Variants in DLGAP4 observed in about 807,000 individuals in gnomAD.
The protein encoded by DLGAP4 is disks large-associated protein 4.
Under a neutral mutation model 86.9 loss-of-function variants are expected in DLGAP4, and 18 were observed. The observed-to-expected ratio is 0.21, with a 90% confidence interval of 0.14 to 0.31. DLGAP4 has a LOEUF of 0.31. Among genes scored for constraint, DLGAP4 ranks in the 10% least tolerant of loss-of-function variants. The pLI is 1.00. For synonymous variants in DLGAP4, 548 were observed against 574.3 expected (o/e 0.95, Z 0.65); for missense variants, 1,085 against 1,362.6 (o/e 0.80, Z 3.21).
intron 7 of DLGAP4, among the ~76,000 whole-genome samples, chr20:36,454,491 C>A (rs960347704): frequency 1.3e-5 from 2 of 152,054 alleles, no homozygotes; most frequent in African/African-American, 4.8e-5. Flanking sequence ...GGCGAGCCTG[C>A]CCAAAATCAC....
chr20:36,443,975 A>G (rs1316418280), intron 6 of DLGAP4, among the ~76,000 whole-genome samples: 1 of 152,214 alleles, frequency 6.6e-6, no homozygotes, highest in Non-Finnish European at 1.5e-5. Flanking sequence ...GCCCACGTTC[A>G]CATTGTGAGG....
intron 2 of DLGAP4, among the ~76,000 whole-genome samples, chr20:36,390,903 T>C (rs2031763323): frequency 6.6e-6 from 1 of 151,990 alleles, no homozygotes; most frequent in Non-Finnish European, 1.5e-5. Flanking sequence ...TTCTCTAGGT[T>C]GAACCTTGAC....
chr20:36,329,701 A>G (rs2065248643), intron 1 of DLGAP4, among the ~76,000 whole-genome samples: 1 of 152,118 alleles, frequency 6.6e-6, no homozygotes, highest in African/African-American at 2.4e-5. Context: ...GTTCGAGACC[A>G]GCCTGGCCAA....
intron 1 of DLGAP4, among the ~76,000 whole-genome samples, chr20:36,339,554 T>C (rs1435165133): frequency 6.6e-6 from 1 of 152,206 alleles, no homozygotes; most frequent in African/African-American, 2.4e-5. Flanking sequence ...CTAATGTTTT[T>C]TAAAAAAATT....
intron 2 of DLGAP4, among the ~76,000 whole-genome samples, chr20:36,396,349 ACACATAC>A (rs1569484510): frequency 0.027 from 631 of 23,036 alleles, 17 homozygotes; most frequent in Middle Eastern, 0.056. Context: ...ACACACACAC[ACACATAC>A]CACACGCACA....
At chr20:36,364,470 A>G (rs908825146) in intron 1 of DLGAP4, among the ~76,000 whole-genome samples, 17 of 152,356 alleles carry the variant, frequency 1.1e-4, no homozygotes, top group Admixed American at 2.6e-4. Context: ...GTATATTTAC[A>G]GGGTTGTGTA....
chr20:36,457,737 G>T (rs1429402029), intron 7 of DLGAP4, among the ~76,000 whole-genome samples: 1 of 151,664 alleles, frequency 6.6e-6, no homozygotes, highest in African/African-American at 2.4e-5. Context: ...GGATGGTCCT[G>T]ATCTCCTGAC....
At chr20:36,317,251 CTTTCTT>C (rs1180845365) in intron 1 of DLGAP4, among the ~76,000 whole-genome samples, 1 of 54,812 alleles carries the variant, frequency 1.8e-5, no homozygotes, top group Non-Finnish European at 3.2e-5. Context: ...TTCTTTCTTT[CTTTCTT>C]TCTTTCTTTC....
chr20:36,525,459 G>A lies in DLGAP4; in HGVS notation c.2605-392G>A, dbSNP rs2037692394. The A allele has an allele frequency of 9.8e-5, 28 of 285,650 alleles. No homozygotes were observed. In the South Asian group the frequency reaches 1.1e-3, roughly 12 times the overall value. The allele number at this position is 285,650 out of a possible 1,614,324, so 17.7% of individuals were successfully genotyped here. The stretch of plus-strand genomic sequence containing the variant: ...GGGGGTTGCGTTGTCATGGAACAGA[G>A]TGACACGAGGGAAACAACACAGATT... On this transcript the variant is annotated intron_variant, in intron 11 of 12. Coordinates refer to ENST00000339266, the MANE Select transcript of DLGAP4 (RefSeq NM_001365621.2).
chr20:36,467,051 T>C (rs1448462402), intron 7 of DLGAP4, among the ~76,000 whole-genome samples: 2 of 125,038 alleles, frequency 1.6e-5, no homozygotes, highest in African/African-American at 3.8e-5. Flanking sequence ...TCTCTCTCTC[T>C]CTCTCTCTCT....
chr20:36,405,015 A>G (rs1184960175), intron 2 of DLGAP4, among the ~76,000 whole-genome samples: 3 of 152,136 alleles, frequency 2.0e-5, no homozygotes, highest in South Asian at 2.1e-4. Context: ...GGGGGAGGAG[A>G]AGGCCAATCA....
At chr20:36,461,750 C>CGTCCG in intron 7 of DLGAP4, 1 of 607,524 alleles carries the variant, frequency 1.6e-6, no homozygotes. Context: ...TCCGTCCGTC[C>CGTCCG]GCCCGCCCGC....
rs1461324571 is a variant in DLGAP4, at chr20:36,431,453, G to A, written c.-72-193G>A. 2.0e-5 allele frequency among the ~76,000 whole-genome samples: 3 copies of A among 152,084 alleles called. No individual in the cohort carries two copies. The highest frequency in any genetic ancestry group is 4.8e-5 in the African/African-American group (2 of 41,384). On this transcript the variant is annotated intron_variant, in intron 2 of 12. Coordinates refer to ENST00000339266, the MANE Select transcript of DLGAP4 (RefSeq NM_001365621.2). The surrounding 1 kb of genome is among the most constrained non-coding windows in gnomAD (Gnocchi z 5.1). ...AAGATGTTGTGCTTGTCTGATAGTCGGTAGCTTGAGTTGTAACTTTTATTT... is the reference window on the plus strand; with the variant it reads ...AAGATGTTGTGCTTGTCTGATAGTCAGTAGCTTGAGTTGTAACTTTTATTT...
chr20:36,499,209 CCTT>C (rs1289327712), intron 8 of DLGAP4: 1 of 1,554,964 alleles, frequency 6.4e-7, no homozygotes, highest in Non-Finnish European at 8.8e-7. Flanking sequence ...CTTTCGTCGT[CCTT>C]TTTTTTTTTT....
chr20:36,506,338 G>T (rs114479991), intron 10 of DLGAP4, among the ~76,000 whole-genome samples: 1 of 152,162 alleles, frequency 6.6e-6, no homozygotes, highest in African/African-American at 2.4e-5. Flanking sequence ...CATACCAAAC[G>T]ATATTGGTAT....
chr20:36,462,786 C>T (rs1477273392), intron 7 of DLGAP4, among the ~76,000 whole-genome samples: 3 of 152,226 alleles, frequency 2.0e-5, no homozygotes, highest in African/African-American at 7.2e-5. Context: ...GGCCTTCCTG[C>T]TCTGAGGCTT....
rs55778929 is a variant in DLGAP4, at chr20:36,467,017, C to CCTCTCT, written c.1648+20122_1648+20127dup. 9.7e-3 allele frequency among the ~76,000 whole-genome samples: 490 copies of CCTCTCT among 50,320 alleles called. 12 individuals are homozygous for CCTCTCT. The highest frequency in any genetic ancestry group is 0.017 in the African/African-American group (131 of 7,728). The allele number at this position is 50,320 out of a possible 152,430, so 33.0% of individuals were successfully genotyped here. On this transcript the variant is annotated intron_variant, in intron 7 of 12. Coordinates refer to ENST00000339266, the MANE Select transcript of DLGAP4 (RefSeq NM_001365621.2). ...TCTCTGTCTCTCTCTCTCTCTCTCT[C>CCTCTCT]CTCTCTCTCTCTCTCTCTCTCTCTC... is the stretch of plus-strand genomic sequence containing the variant.
intron 1 of DLGAP4, among the ~76,000 whole-genome samples, chr20:36,316,211 T>C (rs1049555949): frequency 1.3e-5 from 2 of 152,192 alleles, no homozygotes; most frequent in African/African-American, 2.4e-5. Flanking sequence ...TGGTGCGTCC[T>C]CCACGCAGGT....
chr20:36,423,853 G>C (rs1208955504), intron 2 of DLGAP4, among the ~76,000 whole-genome samples: 2 of 151,412 alleles, frequency 1.3e-5, no homozygotes, highest in Admixed American at 1.3e-4. Context: ...CCAGCTACTC[G>C]GGAGGCTGAG....
Sources: gnomAD v4.1 joint callset for allele counts (sites outside exome capture counted in the v4.1 genomes callset) on GRCh38, gnomAD v4.1.1 for gene constraint, Gnocchi (gnomAD v3.1) non-coding constraint, MANE v1.5 for transcripts, NCBI Gene and HGNC (gene_info 2026-07-23, HGNC 2026-07-21) for gene names.